ADIPOR2: variants seen among roughly 807,000 people sequenced by gnomAD.
ADIPOR2 encodes the protein adiponectin receptor 2, also known as adiponectin receptor protein 2.
In ADIPOR2, 18 loss-of-function variants were observed where a neutral mutation model predicts 40.9. The observed-to-expected ratio is 0.44, with a 90% CI of 0.30 to 0.65. The LOEUF is 0.65. Ranked by LOEUF, ADIPOR2 falls within the 30% of genes least tolerant of loss-of-function variation. The pLI, the probability that ADIPOR2 is intolerant of heterozygous loss-of-function variation, is 0.09. For missense variants in ADIPOR2, 283 were observed against 479.2 expected (o/e 0.59, Z 3.82); for synonymous variants, 165 against 166.4 (o/e 0.99, Z 0.06).
chr12:1,757,805 TAATG>T, intron 2 of ADIPOR2: 1 of 870,108 alleles, frequency 1.1e-6, no homozygotes, highest in Non-Finnish European at 2.0e-6. Flanking sequence ...CCATCGATCT[TAATG>T]AACCTCTGCA....
At chr12:1,699,121 G>C (rs2094645123) in intron 1 of ADIPOR2, among the ~76,000 whole-genome samples, 1 of 152,072 alleles carries the variant, frequency 6.6e-6, no homozygotes, top group Non-Finnish European at 1.5e-5. Flanking sequence ...CTGCCTAATA[G>C]ACTATATATT....
intron 2 of ADIPOR2, among the ~76,000 whole-genome samples, chr12:1,765,175 G>A (rs1862351623): frequency 6.6e-6 from 1 of 152,080 alleles, no homozygotes; most frequent in African/African-American, 2.4e-5. Flanking sequence ...ATACATGATA[G>A]AAATTGGCTA....
intron 2 of ADIPOR2, among the ~76,000 whole-genome samples, chr12:1,756,251 A>G (rs1217549205): frequency 2.6e-5 from 4 of 152,046 alleles, no homozygotes; most frequent in Admixed American, 1.3e-4. Flanking sequence ...CCCAGGTTCA[A>G]GTGATTCTCC....
At chr12:1,757,954 G>T in intron 2 of ADIPOR2, 1 of 1,043,148 alleles carries the variant, frequency 9.6e-7, no homozygotes, top group Non-Finnish European at 1.5e-6. Context: ...AATTTATCCA[G>T]CATCCAATGC....
intron 1 of ADIPOR2, among the ~76,000 whole-genome samples, chr12:1,721,279 G>A (rs906291740): frequency 1.7e-5 from 2 of 118,316 alleles, no homozygotes; most frequent in African/African-American, 3.3e-5. Flanking sequence ...GCAGTGGCAC[G>A]ATCTCGGCTC....
At chr12:1,767,942 TC>T (rs57277471) in intron 2 of ADIPOR2, among the ~76,000 whole-genome samples, 1,531 of 152,294 alleles carry the variant, frequency 0.01, 30 homozygotes, top group African/African-American at 0.035. Context: ...TTTGAGAAAT[TC>T]CTAAAGCTAA....
At chr12:1,706,440 G>A (rs2052536981) in intron 1 of ADIPOR2, among the ~76,000 whole-genome samples, 1 of 152,124 alleles carries the variant, frequency 6.6e-6, no homozygotes, top group Non-Finnish European at 1.5e-5. Context: ...TTACTTTGAG[G>A]GAGTAAAGAC....
intron 1 of ADIPOR2, among the ~76,000 whole-genome samples, chr12:1,713,586 T>C (rs2094681818): frequency 6.6e-6 from 1 of 152,034 alleles, no homozygotes; most frequent in African/African-American, 2.4e-5. Flanking sequence ...GATTCCCTCC[T>C]CAAGCAGGGG....
intron 2 of ADIPOR2, among the ~76,000 whole-genome samples, chr12:1,770,031 C>T (rs975227496): frequency 6.6e-6 from 1 of 152,054 alleles, no homozygotes; most frequent in Non-Finnish European, 1.5e-5. Context: ...GAGTCCTCCC[C>T]CTCAGCCTCT....
intron 1 of ADIPOR2, among the ~76,000 whole-genome samples, chr12:1,714,902 A>G (rs2094684609): frequency 6.6e-6 from 1 of 152,132 alleles, no homozygotes; most frequent in Admixed American, 6.5e-5. Context: ...TATCAGGATC[A>G]TCTGAAAACT....
intron 2 of ADIPOR2, among the ~76,000 whole-genome samples, chr12:1,762,040 T>C (rs1218639326): frequency 6.6e-6 from 1 of 152,208 alleles, no homozygotes; most frequent in Non-Finnish European, 1.5e-5. Flanking sequence ...TTCATTGAGC[T>C]GCAGCCGCAT....
chr12:1,727,683 T>G (rs2094710697), intron 1 of ADIPOR2, among the ~76,000 whole-genome samples: 1 of 151,952 alleles, frequency 6.6e-6, no homozygotes, highest in African/African-American at 2.4e-5. Context: ...CCCAGAATGT[T>G]TCTGTCTCAT....
intron 1 of ADIPOR2, among the ~76,000 whole-genome samples, chr12:1,732,966 A>G (rs2094723392): frequency 3.3e-5 from 5 of 152,208 alleles, no homozygotes; most frequent in Admixed American, 2.6e-4. Flanking sequence ...AGTAAAGAGT[A>G]CAATTATTGG....
At chr12:1,731,351 A>G (rs1435399556) in intron 1 of ADIPOR2, among the ~76,000 whole-genome samples, 1 of 152,134 alleles carries the variant, frequency 6.6e-6, no homozygotes, top group Non-Finnish European at 1.5e-5. Context: ...TTGTGGGAAA[A>G]TACACGTAAC....
At chr12:1,707,028 A>G (rs1259291105) in intron 1 of ADIPOR2, among the ~76,000 whole-genome samples, 1 of 152,206 alleles carries the variant, frequency 6.6e-6, no homozygotes, top group Non-Finnish European at 1.5e-5. Flanking sequence ...ATCATACTGT[A>G]CATATTCTTT....
chr12:1,706,136 T>C (rs913834876), intron 1 of ADIPOR2, among the ~76,000 whole-genome samples: 3 of 152,232 alleles, frequency 2.0e-5, no homozygotes, highest in African/African-American at 7.2e-5. Flanking sequence ...CAGTGTTGTA[T>C]AATAGGCCAT....
chr12:1,770,680 T>C (rs1862477872), intron 2 of ADIPOR2, among the ~76,000 whole-genome samples: 2 of 152,174 alleles, frequency 1.3e-5, no homozygotes, highest in Admixed American at 1.3e-4. Flanking sequence ...AGACAGACAC[T>C]TAAAAATCTA....
intron 1 of ADIPOR2, among the ~76,000 whole-genome samples, chr12:1,719,353 T>G (rs922945769): frequency 1.3e-5 from 2 of 152,338 alleles, no homozygotes; most frequent in East Asian, 3.9e-4. Context: ...GGCTTTGGCA[T>G]TTAAGTGCTA....
intron 2 of ADIPOR2, among the ~76,000 whole-genome samples, chr12:1,765,008 GT>G (rs1862348796): frequency 6.6e-6 from 1 of 152,058 alleles, no homozygotes; most frequent in Non-Finnish European, 1.5e-5. Context: ...TCCAGTACTT[GT>G]TTTTTAGTGA....
Sources: gnomAD v4.1 joint callset for allele counts (sites outside exome capture counted in the v4.1 genomes callset) on GRCh38, gnomAD v4.1.1 for gene constraint, MANE v1.5 for transcripts, NCBI Gene and HGNC (gene_info 2026-07-23, HGNC 2026-07-21) for gene names.